NGLY1: variants seen among roughly 807,000 people sequenced by gnomAD.
NGLY1 encodes peptide-N(4)-(N-acetyl-beta-glucosaminyl)asparagine amidase.
NGLY1 carries 68 observed loss-of-function variants against 84.6 expected under a neutral mutation model. The observed-to-expected ratio is 0.80, with a 90% confidence interval of 0.66 to 0.98. NGLY1 has a LOEUF of 0.98. Among genes scored for constraint, NGLY1 ranks in the 50% least tolerant of loss-of-function variants. NGLY1 has a pLI of 0.00. For missense variants in NGLY1, 779 were observed against 770.2 expected, an observed-to-expected ratio of 1.01 and a Z score of -0.14; for synonymous variants, 280 against 275.2, an observed-to-expected ratio of 1.02 and a Z score of -0.17.
chr3:25,783,325 C>G lies in NGLY1; in HGVS notation c.66G>C (p.Gln22His), dbSNP rs1391309787. The G allele has an allele frequency of 6.3e-7, 1 of 1,597,232 alleles. No homozygotes were observed. The highest frequency in any genetic ancestry group is 8.5e-7 in the Non-Finnish European group (1 of 1,173,208). ...SASPAVAELCQNTPETFLEAS... is the reference protein window; with the variant it reads ...SASPAVAELCHNTPETFLEAS... ...CCTCCAAAAAGGTCTCCGGGGTGTT[C>G]TGGCAGAGCTCAGCCACGGCCGGGG... is the stretch of plus-strand genomic sequence containing the variant. Residue 22 changes from glutamine (Q) to histidine (H), a missense_variant, in exon 1 of 12, where the codon CAG becomes CAC. Physicochemically the swap from Gln to His is conservative, Grantham distance 24 (BLOSUM62 0). Transcript: ENST00000280700. This position sits in a 1 kb window ranked among gnomAD's most constrained non-coding sequence, Gnocchi z 4.5.
At chr3:25,725,810 T>C (rs1251610190) in intron 10 of NGLY1, among the ~76,000 whole-genome samples, 4 of 152,206 alleles carry the variant, frequency 2.6e-5, no homozygotes, top group Non-Finnish European at 5.9e-5. Flanking sequence ...TGAGGTTTTT[T>C]TCACTCAGAT....
intron 1 of NGLY1, chr3:25,789,761 T>C: frequency 7.5e-7 from 1 of 1,333,874 alleles, no homozygotes; most frequent in Non-Finnish European, 1.1e-6. Flanking sequence ...TTTCTTACAA[T>C]TCCAGTAGAA....
At position 25,751,367 on chromosome 3, in the gene NGLY1, T is replaced by C. The variant is rs935613848; in HGVS notation, c.493-104A>G. 9.7e-6 allele frequency: 9 copies of C among 932,460 alleles called. No homozygotes were observed. In the African/African-American group the frequency reaches 1.5e-4, roughly 16 times the overall value. The allele number at this position is 932,460 out of a possible 1,614,324, so 57.8% of individuals were successfully genotyped here. A position where few individuals can be genotyped will look rare whatever the true frequency, so the allele number is the denominator to read the frequency against. On this transcript the variant is annotated intron_variant, in intron 3 of 11. Transcript: ENST00000280700. ...TTATGATTTTACAGATAGAAGGGAA[T>C]GTATGGATTCACTTAAATATAATAA...
At chr3:25,732,548 A>C (rs1422874464) in intron 8 of NGLY1, 65 bp from the exon 9 acceptor site, 25 of 1,207,324 alleles carry the variant, frequency 2.1e-5, no homozygotes, top group Non-Finnish European at 2.9e-5. Context: ...ATCTCTAAGC[A>C]AGAATATACT....
rs142866100 is a variant in NGLY1, at chr3:25,753,346, T to C, written c.493-2083A>G. ...GGGGCAAAATAAATATATTTTCTGA[T>C]ATGTAACAATACAGAAAGTATATCA... On this transcript the variant is annotated intron_variant, in intron 3 of 11. Transcript: ENST00000280700. Among the ~76,000 whole-genome samples the C allele has an allele frequency of 1.9e-3, 294 of 152,324 alleles. 1 individual carries two copies. Among genetic ancestry groups the C allele is most frequent in the Admixed American group, 5.9e-3 (91 of 15,306 alleles).
intron 4 of NGLY1, chr3:25,749,606 G>T (rs1287694726): frequency 6.8e-6 from 10 of 1,462,972 alleles, no homozygotes; most frequent in Non-Finnish European, 5.7e-6. Context: ...GAAACCCAGA[G>T]GTATTGACGA....
intron 2 of NGLY1, among the ~76,000 whole-genome samples, chr3:25,775,378 A>G (rs1708108862): frequency 6.6e-6 from 1 of 152,242 alleles, no homozygotes; most frequent in South Asian, 2.1e-4. Flanking sequence ...CAAGATATGG[A>G]ATTAACCTAA....
chr3:25,777,803 T>G (rs1050807397), intron 2 of NGLY1: 1 of 152,258 alleles, frequency 6.6e-6, no homozygotes, highest in Non-Finnish European at 1.5e-5. Context: ...TATCTACTAC[T>G]TTGTTCACTA....
In NGLY1 at chr3:25,773,074, C is replaced by T. The variant is rs533475956; in HGVS notation, c.246+5500G>A. Among the ~76,000 whole-genome samples the T allele has an allele frequency of 2.0e-5, 3 of 152,174 alleles. No homozygotes were observed. In the South Asian group the frequency reaches 6.2e-4, roughly 32 times the overall value. Reference sequence around the variant, plus strand: ...GAGCTTGTAAGATTATTTCCTTTGTCTTGACTTTAGATAACCTGAGGACTA... The same window carrying T: ...GAGCTTGTAAGATTATTTCCTTTGTTTTGACTTTAGATAACCTGAGGACTA... On this transcript the variant is annotated intron_variant, in intron 2 of 11. Coordinates refer to ENST00000280700, the MANE Select transcript of NGLY1 (RefSeq NM_018297.4).
rs766201614 is a variant in NGLY1 at position 25,739,754 on chromosome 3, T to C, written c.704A>G (p.His235Arg). ...DEDFLLLELL[H>R]WFKEEFFHWV... ...GTGAAAAAATTCTTCCTTAAACCAG[T>C]GCAAAAGCTCCAGCAAAAGAAAATC... The change falls in exon 5 of 12, where the codon CAC (histidine) becomes CGC (arginine). Residue 235 changes from histidine to arginine, a missense_variant. By Grantham distance (29) the His-to-Arg change is conservative (BLOSUM62 0). Coordinates refer to ENST00000280700, the MANE Select transcript of NGLY1 (RefSeq NM_018297.4). 6.2e-7 allele frequency: 1 copy of C among 1,614,060 alleles called. No individual in the cohort carries two copies. The highest frequency in any genetic ancestry group is 1.1e-5 in the South Asian group (1 of 91,080).
intron 1 of NGLY1, among the ~76,000 whole-genome samples, chr3:25,779,065 A>C (rs1314925527): frequency 1.3e-5 from 2 of 149,700 alleles, no homozygotes; most frequent in Admixed American, 6.8e-5. Context: ...CCTCCCAAGT[A>C]GCTAGGATTA....
intron 3 of NGLY1, among the ~76,000 whole-genome samples, chr3:25,756,549 C>T (rs1274438017): frequency 1.3e-5 from 2 of 152,162 alleles, no homozygotes; most frequent in Non-Finnish European, 2.9e-5. Context: ...CCATATTTCA[C>T]ATTTCTAAAT....
At chr3:25,730,731 A>G (rs1007529331) in intron 9 of NGLY1, among the ~76,000 whole-genome samples, 1 of 152,176 alleles carries the variant, frequency 6.6e-6, no homozygotes, top group African/African-American at 2.4e-5. Flanking sequence ...AAAATTTATT[A>G]GTGATAATTC....
chr3:25,747,401 A>G (rs1317636777), intron 4 of NGLY1, among the ~76,000 whole-genome samples: 1 of 152,244 alleles, frequency 6.6e-6, no homozygotes, highest in Non-Finnish European at 1.5e-5. Context: ...TCTTAAGGTT[A>G]GCAGGCCTGT....
intron 7 of NGLY1, 115 bp from the exon 8 acceptor site, chr3:25,734,097 C>T (rs936473710): frequency 2.1e-6 from 3 of 1,417,078 alleles, no homozygotes; most frequent in African/African-American, 1.4e-5. Context: ...GACGAAGTCT[C>T]GCTCTGTTGT....
chr3:25,732,511 G>A (rs770565316), intron 8 of NGLY1, 28 bp from the exon 9 acceptor site: 1 of 1,592,772 alleles, frequency 6.3e-7, no homozygotes. Context: ...TAAAAAAGTT[G>A]TTAAGATTAG....
chr3:25,762,248 T>C (rs1707354366), intron 3 of NGLY1, among the ~76,000 whole-genome samples: 1 of 152,182 alleles, frequency 6.6e-6, no homozygotes, highest in South Asian at 2.1e-4. Flanking sequence ...CTGACTTTGG[T>C]ACATTTTAAT....
At chr3:25,736,433 A>T in intron 6 of NGLY1, 1 of 1,486,076 alleles carries the variant, frequency 6.7e-7, no homozygotes, top group Non-Finnish European at 9.2e-7. Context: ...AGAGCAGCAT[A>T]AAAAATATCA....
intron 10 of NGLY1, among the ~76,000 whole-genome samples, chr3:25,721,500 T>A (rs952618274): frequency 6.6e-6 from 1 of 152,094 alleles, no homozygotes; most frequent in Non-Finnish European, 1.5e-5. Context: ...ACGCCTGTAA[T>A]CCCAGCACTT....
Sources: gnomAD v4.1 joint callset for allele counts (sites outside exome capture counted in the v4.1 genomes callset) on GRCh38, gnomAD v4.1.1 for gene constraint, Gnocchi (gnomAD v3.1) non-coding constraint, MANE v1.5 for transcripts, NCBI Gene and HGNC (gene_info 2026-07-23, HGNC 2026-07-21) for gene names.